MYO10: variants seen among roughly 807,000 people sequenced by gnomAD.
The protein encoded by MYO10 is unconventional myosin-X.
Under a neutral mutation model 257.3 loss-of-function variants are expected in MYO10, and 133 were observed. The ratio of observed to expected loss-of-function variants is 0.52; its 90% CI spans 0.45 to 0.60. MYO10 has a LOEUF of 0.60. Ranked by LOEUF, MYO10 falls within the 20% of genes least tolerant of loss-of-function variation. MYO10 has a pLI of 0.00. For missense variants in MYO10, 2,399 were observed against 2,635.7 expected, an observed-to-expected ratio of 0.91 and a Z score of 1.97; for synonymous variants, 1,104 against 1,028.6, an observed-to-expected ratio of 1.07 and a Z score of -1.40.
chr5:16,854,623 C>A (rs531534698), intron 2 of MYO10, among the ~76,000 whole-genome samples: 22 of 152,250 alleles, frequency 1.4e-4, no homozygotes, highest in Admixed American at 3.3e-4. Context: ...GTTTCAACAT[C>A]TATTGTAGTG....
At chr5:16,772,917 G>A (rs1001627518) in intron 9 of MYO10, among the ~76,000 whole-genome samples, 2 of 152,272 alleles carry the variant, frequency 1.3e-5, no homozygotes, top group South Asian at 4.2e-4. Flanking sequence ...GCCAGGTGTG[G>A]GGGGGTTGGG....
At chr5:16,787,512 C>T (rs1190206931) in intron 4 of MYO10, among the ~76,000 whole-genome samples, 1 of 151,316 alleles carries the variant, frequency 6.6e-6, no homozygotes. Context: ...CAGTTCTATG[C>T]CTTGTGCCAG....
chr5:16,805,942 G>A (rs1742263078), intron 3 of MYO10, among the ~76,000 whole-genome samples: 1 of 152,122 alleles, frequency 6.6e-6, no homozygotes, highest in South Asian at 2.1e-4. Flanking sequence ...AACACCTAGT[G>A]TCAAATTTCA....
In MYO10 at chr5:16,676,054, G is replaced by T; in HGVS notation, c.4643C>A (p.Pro1548Gln). 2 of 1,610,442 alleles carry T rather than the reference G, an allele frequency of 1.2e-6. No individual in the cohort carries two copies. Among genetic ancestry groups the T allele is most frequent in the Non-Finnish European group, 1.7e-6 (2 of 1,178,868 alleles). The change falls in exon 34 of 41, where the codon CCG becomes CAG. Residue 1548 changes from proline (P) to glutamine (Q), a missense_variant. Pro to Gln is a moderately conservative substitution (Grantham distance 76). Transcript: ENST00000513610. ...ACAGTTGAGATTTATGTCCCCATAC[G>T]GAAGGGGCAGGAGCGGGGAGTGCAA... ...HPLHSPLLPL[P>Q]YGDINLNLLK...
rs764546369 is a variant in MYO10 at position 16,701,278 on chromosome 5, C to T, written c.3117G>A (p.Thr1039=). 8.7e-6 allele frequency: 14 copies of T among 1,613,746 alleles called. No homozygotes were observed. Among genetic ancestry groups the T allele is most frequent in the African/African-American group, 2.7e-5 (2 of 75,052 alleles). ...CCGCACTGGGGCTGGTGGGCACCAC[C>T]GTGTCGTTCATGTATGGGTCCTCCT... ...SSEEDPYMND[T]VVPTSPSADS... The change falls in exon 25 of 41, where the codon ACG becomes ACA. Residue 1039 remains threonine (T), a synonymous_variant. Coordinates refer to ENST00000513610, the MANE Select transcript of MYO10 (RefSeq NM_012334.3). The surrounding 1 kb of genome is among the most constrained non-coding windows in gnomAD (Gnocchi z 8.1).
intron 26 of MYO10, among the ~76,000 whole-genome samples, chr5:16,697,571 G>A (rs979190994): frequency 2.0e-5 from 3 of 152,034 alleles, no homozygotes; most frequent in African/African-American, 4.8e-5. Flanking sequence ...ATTGGCGTGT[G>A]CCTGTAATCC....
chr5:16,755,063 T>C (rs1353832418), intron 18 of MYO10, among the ~76,000 whole-genome samples, 155 bp from the exon 19 acceptor site: 1 of 152,270 alleles, frequency 6.6e-6, no homozygotes, highest in African/African-American at 2.4e-5. Context: ...GTCATTCTAA[T>C]ATAAAATAAA....
chr5:16,672,560 A>T, intron 37 of MYO10, 129 bp downstream of exon 37: 1 of 1,094,568 alleles, frequency 9.1e-7, no homozygotes, highest in Non-Finnish European at 1.3e-6. Flanking sequence ...ACAGGCATCA[A>T]CACAGGTAAA....
chr5:16,727,892 A>C (rs1233577459), intron 19 of MYO10, among the ~76,000 whole-genome samples: 2 of 152,026 alleles, frequency 1.3e-5, no homozygotes, highest in African/African-American at 2.4e-5. Context: ...AAAAAAAAAA[A>C]AACTAGCAAA....
chr5:16,765,763 G>A (rs1170097938), intron 11 of MYO10, among the ~76,000 whole-genome samples: 1 of 152,058 alleles, frequency 6.6e-6, no homozygotes, highest in Non-Finnish European at 1.5e-5. Flanking sequence ...GGAAACTGAG[G>A]CATAGTGACT....
intron 33 of MYO10, among the ~76,000 whole-genome samples, chr5:16,678,069 C>CTAT (rs1257196561): frequency 2.0e-5 from 3 of 151,948 alleles, no homozygotes; most frequent in African/African-American, 7.3e-5. Flanking sequence ...CTGAAAAATC[C>CTAT]TATGTACTCT....
chr5:16,854,485 T>C (rs1170652571), intron 2 of MYO10, among the ~76,000 whole-genome samples: 1 of 152,158 alleles, frequency 6.6e-6, no homozygotes, highest in Non-Finnish European at 1.5e-5. Context: ...TTGTAAGAAA[T>C]GTCCATAACA....
chr5:16,873,292 C>T (rs1364676912), intron 2 of MYO10, among the ~76,000 whole-genome samples: 3 of 152,206 alleles, frequency 2.0e-5, no homozygotes, highest in Non-Finnish European at 4.4e-5. Flanking sequence ...ACAATTATCT[C>T]CTTTGACTCC....
intron 3 of MYO10, among the ~76,000 whole-genome samples, chr5:16,801,188 C>T (rs1187170502): frequency 1.3e-5 from 2 of 152,056 alleles, no homozygotes; most frequent in East Asian, 1.9e-4. Context: ...ACAGCTGCTC[C>T]TGATTTTTAA....
At chr5:16,850,813 G>T (rs1024685756) in intron 2 of MYO10, among the ~76,000 whole-genome samples, 1 of 138,230 alleles carries the variant, frequency 7.2e-6, no homozygotes, top group East Asian at 2.6e-4. Flanking sequence ...TACGGGCGGG[G>T]GGGTGGGACA....
intron 35 of MYO10, 69 bp from the exon 36 acceptor site, chr5:16,673,958 T>A: frequency 7.0e-7 from 1 of 1,436,036 alleles, no homozygotes; most frequent in Non-Finnish European, 9.7e-7. Context: ...AACTAGGCTG[T>A]GCCAAGGTTC....
At position 16,670,874 on chromosome 5, in the gene MYO10, G is replaced by A. The variant is rs375936856; in HGVS notation, c.5535C>T (p.His1845=). ...LQYLQGDYTL[H]AAIPPLEEVY... The stretch of plus-strand genomic sequence containing the variant: ...CCTCTTCGAGAGGTGGGATGGCAGC[G>A]TGCAGAGTATAATCCCCCTGCAGAT... The change falls in exon 39 of 41, where the codon CAC becomes CAT. Residue 1845 remains histidine, a synonymous_variant. Coordinates refer to ENST00000513610, the MANE Select transcript of MYO10 (RefSeq NM_012334.3). 7.9e-5 allele frequency: 127 copies of A among 1,613,834 alleles called. No individual in the cohort carries two copies. Among genetic ancestry groups the A allele is most frequent in the Admixed American group, 2.0e-4 (12 of 59,994 alleles).
chr5:16,806,897 C>T (rs966895272), intron 3 of MYO10, among the ~76,000 whole-genome samples: 4 of 152,174 alleles, frequency 2.6e-5, no homozygotes, highest in Non-Finnish European at 4.4e-5. Context: ...TCCTCTGTTA[C>T]CCCACATGAC....
rs539338908 is a variant in MYO10 at position 16,692,686 on chromosome 5, G to A, written c.3800+1685C>T. On this transcript the variant is annotated intron_variant, in intron 27 of 40. Coordinates refer to ENST00000513610, the MANE Select transcript of MYO10 (RefSeq NM_012334.3). Reference sequence around the variant, plus strand: ...TCTTGGCCATGGGTGGATAGCCACCGAAAGCTCTGGAATAAGTCCGTGGTT... The same window carrying A: ...TCTTGGCCATGGGTGGATAGCCACCAAAAGCTCTGGAATAAGTCCGTGGTT... Among the ~76,000 whole-genome samples, 9 of 152,244 alleles carry A rather than the reference G, an allele frequency of 5.9e-5. No individual in the cohort carries two copies. The South Asian group carries it at 8.3e-4, about 14-fold the overall frequency.
Sources: gnomAD v4.1 joint callset for allele counts (sites outside exome capture counted in the v4.1 genomes callset) on GRCh38, gnomAD v4.1.1 for gene constraint, Gnocchi (gnomAD v3.1) non-coding constraint, MANE v1.5 for transcripts, NCBI Gene and HGNC (gene_info 2026-07-23, HGNC 2026-07-21) for gene names.